CELF2: variants seen among roughly 807,000 people sequenced by gnomAD.
CELF2 encodes CUG triplet repeat RNA-binding protein 2.
CELF2 carries 8 observed loss-of-function variants against 62.6 expected under a neutral mutation model. The ratio of observed to expected loss-of-function variants is 0.13; its 90% confidence interval spans 0.07 to 0.23. The LOEUF is 0.23. Among genes scored for constraint, CELF2 ranks in the 10% least tolerant of loss-of-function variants. The pLI is 1.00. For synonymous variants in CELF2, 258 were observed against 250.0 expected (o/e 1.03, Z -0.30); for missense variants, 333 against 671.0 (o/e 0.50, Z 5.56).
At position 11,204,677 on chromosome 10, in the gene CELF2, G is replaced by A. The variant is rs150496506; in HGVS notation, c.272-12748G>A. Among the ~76,000 whole-genome samples the A allele has an allele frequency of 1.5e-3, 222 of 152,296 alleles. 2 individuals carry two copies. Among genetic ancestry groups the A allele is most frequent in the African/African-American group, 4.9e-3 (202 of 41,552 alleles). On this transcript the variant is annotated intron_variant, in intron 2 of 12. Coordinates refer to ENST00000633077, the MANE Select transcript of CELF2 (RefSeq NM_001326342.2). ...CAGTGATCTCCTGCGCTTGATCCCC[G>A]TGTGACAGGAACTCTCAAAATGAAA...
chr10:11,149,097 G>A (rs568154708), intron 1 of CELF2, among the ~76,000 whole-genome samples: 1 of 152,178 alleles, frequency 6.6e-6, no homozygotes, highest in East Asian at 1.9e-4. Flanking sequence ...CCAAGTCGGA[G>A]TCTCCTTCTG....
At position 11,010,016 on chromosome 10, in the gene CELF2, G is replaced by C. The variant is rs1349554472; in HGVS notation, c.53+4576G>C. ...ACAGTTGTGCCTTTATGCGGAAATT[G>C]ATGAGTTGCTTTTCATCCTTCTTGT... On this transcript the variant is annotated intron_variant, in intron 1 of 12. Coordinates refer to the CELF2 transcript ENST00000416382. This position sits in a 1 kb window ranked among gnomAD's most constrained non-coding sequence, Gnocchi z 4.1. The C allele has an allele frequency of 6.6e-6, 1 of 152,216 alleles. No individual in the cohort carries two copies. Among genetic ancestry groups the C allele is most frequent in the Non-Finnish European group, 1.5e-5 (1 of 68,068 alleles). The allele number at this position is 152,216 out of a possible 1,614,324, so 9.4% of individuals were successfully genotyped here.
chr10:10,956,091 C>T (rs961577567), intron 2 of CELF2, among the ~76,000 whole-genome samples: 2 of 152,174 alleles, frequency 1.3e-5, no homozygotes, highest in African/African-American at 4.8e-5. Context: ...CTTTTAAATT[C>T]GTCTTATATG....
rs373412070 is a variant in CELF2, at chr10:11,309,624, A to C, written c.977-4515A>C. Among the ~76,000 whole-genome samples the C allele has an allele frequency of 5.3e-5, 8 of 151,170 alleles. No individual in the cohort carries two copies. The East Asian group carries it at 7.7e-4, about 15-fold the overall frequency. On this transcript the variant is annotated intron_variant, in intron 9 of 12. Coordinates refer to ENST00000633077, the MANE Select transcript of CELF2 (RefSeq NM_001326342.2). The surrounding 1 kb of genome is among the most constrained non-coding windows in gnomAD (Gnocchi z 5.6). ...CCCACAGTCTGCTCTGATTGTCCCC[A>C]CAGTCTGCTCTGACTGTGGCTGGGC... is the stretch of plus-strand genomic sequence containing the variant.
At chr10:10,849,173 G>A (rs1000821365) in intron 1 of CELF2, among the ~76,000 whole-genome samples, 1 of 151,344 alleles carries the variant, frequency 6.6e-6, no homozygotes, top group African/African-American at 2.4e-5. Context: ...GAGGCGGGCG[G>A]ATCTCTTGAG....
intron 2 of CELF2, among the ~76,000 whole-genome samples, chr10:11,192,874 G>A (rs1392391763): frequency 1.3e-5 from 2 of 152,192 alleles, no homozygotes; most frequent in Non-Finnish European, 2.9e-5. Context: ...TGAAGGTATT[G>A]AGGTGATTCT....
At chr10:10,781,390 A>G in the CELF2 span, among the ~76,000 whole-genome samples, 1 of 152,220 alleles carries the variant, frequency 6.6e-6, no homozygotes, top group African/African-American at 2.4e-5. Context: ...TGGTTAATTT[A>G]TAAAGGAAAG....
intron 1 of CELF2, among the ~76,000 whole-genome samples, chr10:11,108,821 G>A (rs2054365031): frequency 6.6e-6 from 1 of 152,086 alleles, no homozygotes; most frequent in African/African-American, 2.4e-5. Flanking sequence ...AAACTTCTTA[G>A]CCATTTGGAT....
In CELF2 at chr10:11,048,149, T is replaced by C. The variant is rs75574063; in HGVS notation, c.74+29986T>C. Among the ~76,000 whole-genome samples, 1,126 of 152,316 alleles carry C rather than the reference T, an allele frequency of 7.4e-3. 9 individuals are homozygous for C. Among genetic ancestry groups the C allele is most frequent in the African/African-American group, 0.025 (1,025 of 41,564 alleles). On this transcript the variant is annotated intron_variant, in intron 1 of 12. Transcript: ENST00000633077. ...GATACTCTGCCTGCAATGTAGCTTT[T>C]CTCAGTCACTAGAAAATGTCAAGAA...
intron 1 of CELF2, among the ~76,000 whole-genome samples, chr10:11,115,574 G>A (rs553803465): frequency 3.8e-4 from 58 of 152,254 alleles, no homozygotes; most frequent in Non-Finnish European, 6.3e-4. Flanking sequence ...GTTGATTGGC[G>A]CCAGTGGCAG....
chr10:10,473,390 T>C, the CELF2 span, among the ~76,000 whole-genome samples: 7 of 152,044 alleles, frequency 4.6e-5, no homozygotes, highest in Non-Finnish European at 8.8e-5. Flanking sequence ...GCTAACCTGC[T>C]TATTTTGAAC....
chr10:11,329,067 G>T lies in CELF2; in HGVS notation c.*14G>T. On this transcript the variant is annotated 3_prime_UTR_variant, in exon 13 of 13. Transcript: ENST00000633077. This position sits in a 1 kb window ranked among gnomAD's most constrained non-coding sequence, Gnocchi z 5.5. ...AAACCTTACTGATCCTAACCCCAGA[G>T]GCTCCCTGCTCTCATTTTAGCTTTC... The T allele has an allele frequency of 6.2e-7, 1 of 1,605,536 alleles. No homozygotes were observed. The highest frequency in any genetic ancestry group is 1.1e-5 in the South Asian group (1 of 90,602).
the CELF2 span, among the ~76,000 whole-genome samples, chr10:10,505,997 G>C: frequency 6.6e-6 from 1 of 152,068 alleles, no homozygotes; most frequent in African/African-American, 2.4e-5. Flanking sequence ...ATAATGTCCA[G>C]AGATTTGAGT....
At chr10:11,234,420 C>T (rs1196984912) in intron 3 of CELF2, among the ~76,000 whole-genome samples, 2 of 152,220 alleles carry the variant, frequency 1.3e-5, no homozygotes, top group South Asian at 2.1e-4. Flanking sequence ...CGGTGGCTCA[C>T]GCCTATAATC....
chr10:10,619,427 GA>G, the CELF2 span, among the ~76,000 whole-genome samples: 1 of 152,206 alleles, frequency 6.6e-6, no homozygotes, highest in Non-Finnish European at 1.5e-5. Context: ...TGTAGAAATA[GA>G]ACATAGAAAT....
chr10:11,284,071 GT>G, intron 8 of CELF2, among the ~76,000 whole-genome samples: 1 of 149,684 alleles, frequency 6.7e-6, no homozygotes, highest in Non-Finnish European at 1.5e-5. Flanking sequence ...TGTGTGGTGG[GT>G]GGATGATGGA....
chr10:10,802,872 A>G (rs752329906), intron 1 of CELF2, among the ~76,000 whole-genome samples: 4 of 152,134 alleles, frequency 2.6e-5, no homozygotes, highest in Non-Finnish European at 4.4e-5. Context: ...TGCCTTAAAG[A>G]TGTCAAAAGC....
chr10:11,160,826 C>T (rs759817811), intron 1 of CELF2, among the ~76,000 whole-genome samples: 1 of 152,028 alleles, frequency 6.6e-6, no homozygotes, highest in Non-Finnish European at 1.5e-5. Context: ...AATTTATAGC[C>T]ATTTGGCAAT....
At chr10:10,573,898 C>A in the CELF2 span, among the ~76,000 whole-genome samples, 8 of 151,962 alleles carry the variant, frequency 5.3e-5, no homozygotes, top group African/African-American at 1.9e-4. Context: ...TTTTTATTTG[C>A]ATATTTTTAT....
Sources: allele counts gnomAD v4.1 joint callset (sites outside exome capture counted in the v4.1 genomes callset), GRCh38; gene constraint gnomAD v4.1.1; non-coding constraint Gnocchi (gnomAD v3.1); transcripts MANE v1.5; gene names NCBI Gene and HGNC (gene_info 2026-07-23, HGNC 2026-07-21).